The following OTOGL variants were observed in gnomAD, a reference collection of about 807,000 sequenced individuals.
OTOGL encodes otogelin-like protein.
A neutral mutation model predicts 318.5 loss-of-function variants in OTOGL; 285 were observed. That is an observed-to-expected ratio of 0.89 (90% CI 0.81 to 0.99). The LOEUF (loss-of-function observed/expected upper bound fraction) is 0.99, where lower values mean the gene tolerates loss of function less well. OTOGL is among the 50% of genes least tolerant of loss of function. The pLI, the probability that OTOGL is intolerant of heterozygous loss-of-function variation, is 0.00. For synonymous variants in OTOGL, 987 were observed against 936.5 expected (o/e 1.05, Z -0.99); for missense variants, 2,899 against 2,845.6 (o/e 1.02, Z -0.43).
chr12:80,368,180 G>T (rs73141140), intron 54 of OTOGL, 25 bp from the exon 55 acceptor site: 15 of 1,466,066 alleles, frequency 1.0e-5, no homozygotes, highest in Non-Finnish European at 1.4e-5. Context: ...ATATGGTGTC[G>T]CTAATCTAAT....
chr12:80,371,922 G>T, intron 56 of OTOGL, 97 bp from the exon 57 acceptor site: 1 of 671,906 alleles, frequency 1.5e-6, no homozygotes, highest in Non-Finnish European at 2.3e-6. Context: ...TGTGGTATTT[G>T]ATAAAAGTTT....
At chr12:80,149,802 C>T (rs577370178) in intron 1 of OTOGL, among the ~76,000 whole-genome samples, 2 of 152,310 alleles carry the variant, frequency 1.3e-5, no homozygotes, top group African/African-American at 2.4e-5. Context: ...CGGAAAAGCG[C>T]AGTATTCGGG....
intron 20 of OTOGL, chr12:80,266,148 G>A (rs1325062721): frequency 3.7e-6 from 1 of 271,590 alleles, no homozygotes; most frequent in Non-Finnish European, 7.0e-6. Flanking sequence ...ATACTACAAG[G>A]GCAGAATTGA....
At chr12:80,339,898 T>A (rs1888657166) in intron 43 of OTOGL, among the ~76,000 whole-genome samples, 1 of 152,088 alleles carries the variant, frequency 6.6e-6, no homozygotes, top group African/African-American at 2.4e-5. Context: ...TGTAGGTACA[T>A]AATGAAATAA....
At chr12:80,202,829 A>G (rs1876553222) in intron 1 of OTOGL, among the ~76,000 whole-genome samples, 1 of 152,136 alleles carries the variant, frequency 6.6e-6, no homozygotes, top group South Asian at 2.1e-4. Flanking sequence ...TTCCTTCTGA[A>G]CATCTGCTCC....
intron 57 of OTOGL, among the ~76,000 whole-genome samples, chr12:80,373,369 T>TG (rs535635027): frequency 3.4e-4 from 51 of 151,864 alleles, no homozygotes; most frequent in African/African-American, 1.1e-3. Flanking sequence ...GAGGCGGAGG[T>TG]TACAGTGAGC....
At chr12:80,206,482 C>G (rs1030459805) in intron 1 of OTOGL, among the ~76,000 whole-genome samples, 2 of 151,978 alleles carry the variant, frequency 1.3e-5, no homozygotes, top group Non-Finnish European at 2.9e-5. Context: ...TAGTAACAAC[C>G]CTGAGGCTTC....
chr12:80,291,631 G>A (rs560781671), intron 26 of OTOGL, among the ~76,000 whole-genome samples: 3 of 152,192 alleles, frequency 2.0e-5, no homozygotes, highest in South Asian at 4.1e-4. Context: ...TGTCAGGCCA[G>A]TCTGTACGAG....
chr12:80,219,790 C>CTTTT (rs71717494), intron 5 of OTOGL, 24 bp from the exon 6 acceptor site: 2 of 1,201,508 alleles, frequency 1.7e-6, no homozygotes, highest in Non-Finnish European at 2.3e-6. Flanking sequence ...CAGAAGATAA[C>CTTTT]TTTTTTTTTT....
intron 9 of OTOGL, among the ~76,000 whole-genome samples, chr12:80,235,354 A>G (rs930288960): frequency 2.0e-5 from 3 of 151,530 alleles, no homozygotes; most frequent in South Asian, 2.1e-4. Flanking sequence ...AATCCCAGCT[A>G]CTTAGGATGC....
chr12:80,157,009 C>A (rs984550353), intron 1 of OTOGL, among the ~76,000 whole-genome samples: 7 of 152,116 alleles, frequency 4.6e-5, no homozygotes, highest in African/African-American at 1.4e-4. Flanking sequence ...TTTCAAGGAA[C>A]CTCCAAACTG....
intron 43 of OTOGL, among the ~76,000 whole-genome samples, chr12:80,341,110 AAT>A (rs1176569237): frequency 1.3e-5 from 2 of 152,058 alleles, no homozygotes; most frequent in African/African-American, 4.8e-5. Context: ...ATTAAGAAAA[AAT>A]ATGTCTTAAA....
In OTOGL at chr12:80,352,326, G is replaced by A. The variant is rs766969718; in HGVS notation, c.5297G>A (p.Trp1766Ter). Residue 1766 changes from tryptophan (W) to a stop codon, truncating the protein, a stop_gained, in exon 45 of 59, where the codon TGG (tryptophan) becomes TAG (stop). Transcript: ENST00000547103. LOFTEE classifies it high-confidence loss of function. ...VSPEDFCEKM[W>*]INYTYFWNYE... The stretch of plus-strand genomic sequence containing the variant: ...CCGGAAGACTTTTGTGAAAAGATGT[G>A]GATCAATTATACCTATTTTTGGAAC... 6.2e-6 allele frequency: 10 copies of A among 1,610,806 alleles called. 1 individual carries two copies. The South Asian group carries it at 1.1e-4, about 18-fold the overall frequency.
rs10862084 is a variant in OTOGL at position 80,278,753 on chromosome 12, C to A, written c.2790-275C>A. ...TGTGCTTTTTCAGCTACCAGCAGAC[C>A]TGTGTTCAGTTTTTCATTCTATCAT... On this transcript the variant is annotated intron_variant, in intron 25 of 58. Transcript: ENST00000547103. Among the ~76,000 whole-genome samples, 103,929 of 151,370 alleles carry A rather than the reference C, an allele frequency of 0.69. 37,730 individuals are homozygous for A. Among genetic ancestry groups the A allele is most frequent in the East Asian group, 0.94 (4,838 of 5,160 alleles).
At chr12:80,142,640 G>A (rs1468864938) in intron 1 of OTOGL, among the ~76,000 whole-genome samples, 2 of 152,108 alleles carry the variant, frequency 1.3e-5, no homozygotes, top group African/African-American at 2.4e-5. Context: ...TTGCAGCCTA[G>A]GAAAGCCAAC....
At position 80,314,313 on chromosome 12, in the gene OTOGL, TG is replaced by T; in HGVS notation, c.3617del (p.Cys1206LeufsTer29). 1 of 1,051,110 alleles carries T rather than the reference TG, an allele frequency of 9.5e-7. No homozygotes were observed. The allele number at this position is 1,051,110 out of a possible 1,614,324, so 65.1% of individuals were successfully genotyped here. A position where few individuals can be genotyped will look rare whatever the true frequency, so the allele number is the denominator to read the frequency against. On this transcript the variant is annotated frameshift_variant, in exon 32 of 59. Transcript: ENST00000547103. LOFTEE classifies it high-confidence loss of function. ...WRSSTVCSLD[C>X]EYYNEGLGEG... ...TTCTTTTTTTCTTTTAGCACTTGAT[TG>T]TGAATACTACAATGAAGGTATGTGA...
chr12:80,190,338 A>G (rs550582149), intron 1 of OTOGL, among the ~76,000 whole-genome samples: 46 of 152,358 alleles, frequency 3.0e-4, no homozygotes, highest in Non-Finnish European at 5.9e-4. Flanking sequence ...AATTCAAAGA[A>G]GCACAACAAA....
chr12:80,167,342 G>T (rs927676983), intron 1 of OTOGL, among the ~76,000 whole-genome samples: 6 of 152,154 alleles, frequency 3.9e-5, no homozygotes, highest in African/African-American at 1.4e-4. Flanking sequence ...TTTTGGTTTT[G>T]ATTTTTTAAA....
At chr12:80,161,873 G>A (rs1358233347) in intron 1 of OTOGL, among the ~76,000 whole-genome samples, 2 of 152,110 alleles carry the variant, frequency 1.3e-5, no homozygotes, top group African/African-American at 4.8e-5. Flanking sequence ...TTCCAAGTAT[G>A]TTCTTCATTT....
Sources: allele counts gnomAD v4.1 joint callset (sites outside exome capture counted in the v4.1 genomes callset), GRCh38; gene constraint gnomAD v4.1.1; transcripts MANE v1.5; gene names NCBI Gene and HGNC (gene_info 2026-07-23, HGNC 2026-07-21).